Variants in MCHR2 observed in about 807,000 individuals in gnomAD.
MCHR2 encodes melanin-concentrating hormone receptor 2.
In MCHR2, 15 loss-of-function variants were observed where a neutral mutation model predicts 24.8. That is an observed-to-expected ratio of 0.60 (90% CI 0.40 to 0.93). The LOEUF is 0.93. Among genes scored for constraint, MCHR2 ranks in the 40% least tolerant of loss-of-function variants. The pLI is 0.00. For missense variants in MCHR2, 386 were observed against 408.7 expected (o/e 0.94, Z 0.48); for synonymous variants, 151 against 147.6 (o/e 1.02, Z -0.17).
intron 1 of MCHR2, among the ~76,000 whole-genome samples, chr6:99,968,762 G>C (rs1239935387): frequency 2.6e-5 from 4 of 151,684 alleles, no homozygotes; most frequent in Non-Finnish European, 5.9e-5. Flanking sequence ...AAATTTCAAA[G>C]AATTGAAATC....
At chr6:99,929,205 G>A (rs1425471115) in intron 5 of MCHR2, among the ~76,000 whole-genome samples, 1 of 152,218 alleles carries the variant, frequency 6.6e-6, no homozygotes, top group Non-Finnish European at 1.5e-5. Context: ...CTGAGAGACA[G>A]TTTGCTATAA....
At chr6:99,974,274 T>C (rs918023641) in intron 1 of MCHR2, among the ~76,000 whole-genome samples, 7 of 150,916 alleles carry the variant, frequency 4.6e-5, no homozygotes, top group Admixed American at 3.3e-4. Flanking sequence ...TATTCTTTTT[T>C]CTCCAAACTT....
Position 99,971,914 on chromosome 6 carries a change from T to C in MCHR2, c.-27-15740A>G, listed in dbSNP as rs1302400867. 9.2e-5 allele frequency among the ~76,000 whole-genome samples: 14 copies of C among 151,588 alleles called. No homozygotes were observed. In the South Asian group the frequency reaches 1.5e-3, roughly 16 times the overall value. ...CCTTGCATCCCAGGGATGAAGCCCATTTGATCATGGTGGATAAGCTTTTTG... is the reference window on the plus strand; with the variant it reads ...CCTTGCATCCCAGGGATGAAGCCCACTTGATCATGGTGGATAAGCTTTTTG... On this transcript the variant is annotated intron_variant, in intron 1 of 5. Transcript: ENST00000281806.
intron 1 of MCHR2, among the ~76,000 whole-genome samples, chr6:99,991,465 G>C (rs1775873273): frequency 6.6e-6 from 1 of 152,166 alleles, no homozygotes; most frequent in African/African-American, 2.4e-5. Flanking sequence ...CCATAGGTGA[G>C]GTGAGAATAA....
At chr6:99,963,862 A>G (rs1304149091) in intron 1 of MCHR2, among the ~76,000 whole-genome samples, 2 of 152,120 alleles carry the variant, frequency 1.3e-5, no homozygotes, top group Admixed American at 1.3e-4. Context: ...CTCAGAGTGA[A>G]GATATTTCTA....
At chr6:99,970,098 T>C (rs989449165) in intron 1 of MCHR2, among the ~76,000 whole-genome samples, 3 of 150,654 alleles carry the variant, frequency 2.0e-5, no homozygotes, top group Non-Finnish European at 4.4e-5. Context: ...CTGGGTCAAA[T>C]AGTATTTCTA....
chr6:99,936,361 C>T (rs983506367), intron 4 of MCHR2, among the ~76,000 whole-genome samples: 2 of 151,688 alleles, frequency 1.3e-5, no homozygotes, highest in Non-Finnish European at 3.0e-5. Flanking sequence ...TAATTCATTT[C>T]GGTTTGATTT....
intron 1 of MCHR2, among the ~76,000 whole-genome samples, chr6:99,987,315 T>A (rs1256255068): frequency 6.6e-6 from 1 of 152,168 alleles, no homozygotes; most frequent in African/African-American, 2.4e-5. Context: ...AATATATCCT[T>A]TGACTCAGAT....
intron 2 of MCHR2, among the ~76,000 whole-genome samples, chr6:99,950,457 A>G (rs563317932): frequency 7.9e-5 from 12 of 152,204 alleles, no homozygotes; most frequent in African/African-American, 2.9e-4. Flanking sequence ...TTTGGCTAAC[A>G]TGTGCTCCAT....
At chr6:99,948,027 T>C (rs1774905269) in intron 2 of MCHR2, 56 bp from the exon 3 acceptor site, 1 of 1,464,214 alleles carries the variant, frequency 6.8e-7, no homozygotes, top group African/African-American at 1.4e-5. Flanking sequence ...GACTATTCGA[T>C]ATATGCTACC....
At chr6:99,969,811 T>C (rs1455887138) in intron 1 of MCHR2, among the ~76,000 whole-genome samples, 1 of 150,282 alleles carries the variant, frequency 6.7e-6, no homozygotes, top group Non-Finnish European at 1.5e-5. Context: ...GAACATGTGG[T>C]GTTTGGTTTT....
intron 1 of MCHR2, among the ~76,000 whole-genome samples, chr6:99,961,177 C>G (rs958994018): frequency 6.6e-6 from 1 of 151,956 alleles, no homozygotes; most frequent in South Asian, 2.1e-4. Flanking sequence ...TGAACAGACA[C>G]TTCTCAAAAG....
At chr6:99,937,436 A>G (rs1050482488) in intron 4 of MCHR2, among the ~76,000 whole-genome samples, 3 of 152,092 alleles carry the variant, frequency 2.0e-5, no homozygotes, top group South Asian at 2.1e-4. Flanking sequence ...ATTTTATTGA[A>G]TGATGTTTTG....
chr6:99,921,012 C>T lies in MCHR2; in HGVS notation c.951G>A (p.Leu317=). ...CAGTCGCTCTTCTTTGGATTTGAGGCAGACGTTTCTGGAAATTTCCACTCA... is the reference window on the plus strand; with the variant it reads ...CAGTCGCTCTTCTTTGGATTTGAGGTAGACGTTTCTGGAAATTTCCACTCA... ...ILLSGNFQKR[L]PQIQRRATEK... The change falls in exon 6 of 6, where the codon CTG becomes CTA. Residue 317 remains leucine (L), a synonymous_variant. Transcript: ENST00000281806. 3.1e-6 allele frequency: 5 copies of T among 1,614,160 alleles called. No individual in the cohort carries two copies. Among genetic ancestry groups the T allele is most frequent in the Non-Finnish European group, 4.2e-6 (5 of 1,180,016 alleles).
chr6:99,972,097 C>T (rs2114570399), intron 1 of MCHR2, among the ~76,000 whole-genome samples: 1 of 152,244 alleles, frequency 6.6e-6, no homozygotes, highest in East Asian at 1.9e-4. Flanking sequence ...GGGAGGATTC[C>T]CTCTTTTTCT....
At chr6:99,972,476 C>T (rs1775446854) in intron 1 of MCHR2, among the ~76,000 whole-genome samples, 1 of 152,040 alleles carries the variant, frequency 6.6e-6, no homozygotes, top group African/African-American at 2.4e-5. Context: ...GTCTTGCTAG[C>T]AGTCTATCAA....
intron 2 of MCHR2, among the ~76,000 whole-genome samples, chr6:99,954,924 T>G (rs1189178907): frequency 6.6e-6 from 1 of 152,194 alleles, no homozygotes; most frequent in Non-Finnish European, 1.5e-5. Flanking sequence ...ATGAATTTTG[T>G]ATTTAGACTT....
chr6:99,959,556 T>C (rs1775137002), intron 1 of MCHR2, among the ~76,000 whole-genome samples: 1 of 142,860 alleles, frequency 7.0e-6, no homozygotes, highest in Non-Finnish European at 1.5e-5. Flanking sequence ...TAGATACTAA[T>C]TACCTGACAA....
chr6:99,979,133 G>A (rs913571009), intron 1 of MCHR2, among the ~76,000 whole-genome samples: 3 of 152,124 alleles, frequency 2.0e-5, no homozygotes, highest in African/African-American at 7.2e-5. Context: ...GTTGATAGTG[G>A]TAGAGCGTCT....
Sources: gnomAD v4.1 joint callset for allele counts (sites outside exome capture counted in the v4.1 genomes callset) on GRCh38, gnomAD v4.1.1 for gene constraint, MANE v1.5 for transcripts, NCBI Gene and HGNC (gene_info 2026-07-23, HGNC 2026-07-21) for gene names.